MYO1E: variants seen among roughly 807,000 people sequenced by gnomAD.
The protein encoded by MYO1E is unconventional myosin-Ie.
Under a neutral mutation model 151.1 loss-of-function variants are expected in MYO1E, and 68 were observed. The observed-to-expected ratio is 0.45, with a 90% CI of 0.37 to 0.55. The LOEUF (loss-of-function observed/expected upper bound fraction) is 0.55, where lower values mean the gene tolerates loss of function less well. Ranked by LOEUF, MYO1E falls within the 20% of genes least tolerant of loss-of-function variation. The probability of loss-of-function intolerance (pLI) is 0.00; values close to 1 mark genes in which losing one functional copy is unlikely to be tolerated. For missense variants in MYO1E, 1,363 were observed against 1,389.3 expected (o/e 0.98, Z 0.30); for synonymous variants, 601 against 501.7 (o/e 1.20, Z -2.64).
intron 16 of MYO1E, among the ~76,000 whole-genome samples, chr15:59,198,523 A>G (rs1174039983): frequency 6.6e-6 from 1 of 152,148 alleles, no homozygotes; most frequent in Non-Finnish European, 1.5e-5. Context: ...ATATTAAAAA[A>G]CAAACAATCA....
At chr15:59,219,330 T>G (rs4774322) in intron 9 of MYO1E, among the ~76,000 whole-genome samples, 1 of 152,162 alleles carries the variant, frequency 6.6e-6, no homozygotes, top group Non-Finnish European at 1.5e-5. Flanking sequence ...AAGATTTTTA[T>G]AGATGCAATG....
chr15:59,263,496 C>G (rs566481434), intron 2 of MYO1E, among the ~76,000 whole-genome samples: 1 of 152,256 alleles, frequency 6.6e-6, no homozygotes, highest in African/African-American at 2.4e-5. Flanking sequence ...CTATTAGACA[C>G]AGTGTTATTA....
rs72746850 is a variant in MYO1E at position 59,267,863 on chromosome 15, T to C, written c.147+4443A>G. 1.3e-3 allele frequency among the ~76,000 whole-genome samples: 201 copies of C among 152,310 alleles called. 1 individual carries two copies. Among genetic ancestry groups the C allele is most frequent in the South Asian group, 5.8e-3 (28 of 4,830 alleles). On this transcript the variant is annotated intron_variant, in intron 2 of 27. Transcript: ENST00000288235. ...ACAGATGGCAAATTAAACCTTGTCATAGGACAAATAACTCAAAAATAGGGA... is the reference window on the plus strand; with the variant it reads ...ACAGATGGCAAATTAAACCTTGTCACAGGACAAATAACTCAAAAATAGGGA...
chr15:59,146,452 A>T (rs2079442037), intron 26 of MYO1E, among the ~76,000 whole-genome samples: 1 of 151,954 alleles, frequency 6.6e-6, no homozygotes, highest in Non-Finnish European at 1.5e-5. Flanking sequence ...AGTAGCTGGG[A>T]TTATAGGCAC....
chr15:59,151,567 G>C (rs1307395578), intron 26 of MYO1E, among the ~76,000 whole-genome samples: 5 of 152,216 alleles, frequency 3.3e-5, no homozygotes, highest in Non-Finnish European at 7.3e-5. Flanking sequence ...AGAGCTCTGT[G>C]GTCTTTAGAA....
intron 1 of MYO1E, among the ~76,000 whole-genome samples, chr15:59,352,147 T>C (rs371788570): frequency 3.9e-5 from 6 of 152,204 alleles, no homozygotes; most frequent in East Asian, 1.9e-4. Flanking sequence ...TCCTTAAGGA[T>C]AGCTGGACTC....
chr15:59,258,282 G>A (rs1311550713), intron 3 of MYO1E, among the ~76,000 whole-genome samples: 1 of 152,238 alleles, frequency 6.6e-6, no homozygotes, highest in South Asian at 2.1e-4. Flanking sequence ...AGGAGGTGGA[G>A]GTTGCAGTGA....
intron 1 of MYO1E, among the ~76,000 whole-genome samples, chr15:59,364,592 C>G (rs1455268405): frequency 6.6e-6 from 1 of 152,042 alleles, no homozygotes; most frequent in African/African-American, 2.4e-5. Context: ...TATATTTGCC[C>G]CATAATTACA....
In MYO1E at chr15:59,173,584, T is replaced by C. The variant is rs117601559; in HGVS notation, c.2334+162A>G. ...ACACAGAATGTTAACAGTGAATGTTTCTGGGCATAGGTGCCTGTTTATCTT... is the reference window on the plus strand; with the variant it reads ...ACACAGAATGTTAACAGTGAATGTTCCTGGGCATAGGTGCCTGTTTATCTT... On this transcript the variant is annotated intron_variant, in intron 21 of 27. Coordinates refer to ENST00000288235, the MANE Select transcript of MYO1E (RefSeq NM_004998.4). Among the ~76,000 whole-genome samples the C allele has an allele frequency of 0.029, 4,406 of 152,338 alleles. 78 individuals are homozygous for C. The highest frequency in any genetic ancestry group is 0.044 in the Non-Finnish European group (2,984 of 68,028).
At position 59,195,449 on chromosome 15, in the gene MYO1E, T is replaced by C. The variant is rs370849632; in HGVS notation, c.1805+12A>G. Reference sequence around the variant, plus strand: ...AGGTCCCGGCCCCACCTAAGCCGGTTTCCCCCGATACCTGCTTTCCTCCCA... The same window carrying C: ...AGGTCCCGGCCCCACCTAAGCCGGTCTCCCCCGATACCTGCTTTCCTCCCA... On this transcript the variant is annotated intron_variant, in intron 17 of 27. Coordinates refer to ENST00000288235, the MANE Select transcript of MYO1E (RefSeq NM_004998.4). The C allele has an allele frequency of 7.1e-5, 114 of 1,606,236 alleles. No individual in the cohort carries two copies. In the African/African-American group the frequency reaches 1.3e-3, roughly 18 times the overall value.
At chr15:59,257,260 G>A (rs1476411038) in intron 3 of MYO1E, among the ~76,000 whole-genome samples, 4 of 152,182 alleles carry the variant, frequency 2.6e-5, no homozygotes, top group African/African-American at 7.2e-5. Flanking sequence ...GGCTGAGGCA[G>A]AAGAGTTGTT....
At chr15:59,295,722 C>T (rs1172679082) in intron 1 of MYO1E, among the ~76,000 whole-genome samples, 1 of 152,116 alleles carries the variant, frequency 6.6e-6, no homozygotes, top group Admixed American at 6.5e-5. Context: ...ATAATTATCT[C>T]GGTGTTACAG....
Position 59,223,054 on chromosome 15 carries a change from C to A in MYO1E, c.910+5G>T. Reference sequence around the variant, plus strand: ...ATTCAATGGCCACATGCCAGGGCTACGCACACTCTTCACTCTCCACAGCCG... The same window carrying A: ...ATTCAATGGCCACATGCCAGGGCTAAGCACACTCTTCACTCTCCACAGCCG... On this transcript the variant is annotated splice_donor_5th_base_variant and intron_variant, in intron 9 of 27. Transcript: ENST00000288235. 1 of 1,613,880 alleles carries A rather than the reference C, an allele frequency of 6.2e-7. No individual in the cohort carries two copies. Among genetic ancestry groups the A allele is most frequent in the Non-Finnish European group, 8.5e-7 (1 of 1,180,016 alleles).
chr15:59,214,335 A>C, intron 11 of MYO1E, 21 bp from the exon 12 acceptor site: 1 of 1,529,632 alleles, frequency 6.5e-7, no homozygotes, highest in Non-Finnish European at 9.0e-7. Context: ...AAAGTTATTC[A>C]CATGTAATTC....
At chr15:59,309,357 C>T (rs954756419) in intron 1 of MYO1E, among the ~76,000 whole-genome samples, 1 of 152,176 alleles carries the variant, frequency 6.6e-6, no homozygotes, top group African/African-American at 2.4e-5. Context: ...AAAAAAGCAA[C>T]TAAAACAACA....
At chr15:59,193,029 G>C (rs976190599) in intron 17 of MYO1E, among the ~76,000 whole-genome samples, 1 of 152,132 alleles carries the variant, frequency 6.6e-6, no homozygotes, top group Non-Finnish European at 1.5e-5. Flanking sequence ...GAAGAGTCTC[G>C]CTCTAACAAC....
At chr15:59,233,108 TTTC>T (rs2080038422) in intron 5 of MYO1E, among the ~76,000 whole-genome samples, 1 of 8,788 alleles carries the variant, frequency 1.1e-4, no homozygotes, top group South Asian at 1.2e-3. Flanking sequence ...TCATTAACTC[TTTC>T]TATCTTTTTT....
chr15:59,192,893 T>C (rs1465536759), intron 17 of MYO1E, among the ~76,000 whole-genome samples: 1 of 151,716 alleles, frequency 6.6e-6, no homozygotes, highest in Non-Finnish European at 1.5e-5. Flanking sequence ...GAGAGGTGAG[T>C]GTAAAAGTGA....
chr15:59,368,096 G>C, intron 1 of MYO1E, among the ~76,000 whole-genome samples: 1 of 152,110 alleles, frequency 6.6e-6, no homozygotes, highest in East Asian at 1.9e-4. Flanking sequence ...TCCAGCCTGG[G>C]CGACAAGAGC....
Sources: gnomAD v4.1 joint callset for allele counts (sites outside exome capture counted in the v4.1 genomes callset) on GRCh38, gnomAD v4.1.1 for gene constraint, MANE v1.5 for transcripts, NCBI Gene and HGNC (gene_info 2026-07-23, HGNC 2026-07-21) for gene names.